Variants in MTX2 observed in about 807,000 individuals in gnomAD.
MTX2 encodes metaxin 2.
MTX2 carries 35 observed loss-of-function variants against 42.3 expected under a neutral mutation model. The ratio of observed to expected loss-of-function variants is 0.83; its 90% CI spans 0.63 to 1.10. The LOEUF (loss-of-function observed/expected upper bound fraction) is 1.10, where lower values mean the gene tolerates loss of function less well. Among genes scored for constraint, MTX2 ranks in the 50% least tolerant of loss-of-function variants. MTX2 has a pLI of 0.00. For missense variants in MTX2, 307 were observed against 304.1 expected (o/e 1.01, Z -0.07); for synonymous variants, 119 against 100.9 (o/e 1.18, Z -1.08).
At chr2:176,297,918 A>G (rs776436488) in intron 3 of MTX2, 23 bp downstream of exon 3, 28 of 1,524,868 alleles carry the variant, frequency 1.8e-5, no homozygotes, top group Non-Finnish European at 2.4e-5. Context: ...ATAATGTAAT[A>G]TCTTTTTCAC....
intron 1 of MTX2, among the ~76,000 whole-genome samples, chr2:176,282,126 GTTTTTTTTTTT>G (rs71004264): frequency 0.038 from 1,009 of 26,426 alleles, 30 homozygotes; most frequent in Middle Eastern, 0.16. Flanking sequence ...AGTTACAGTA[GTTTTTTTTTTT>G]TTTTTTTTTT....
In MTX2 at chr2:176,337,810, ATTG is replaced by A. The variant is rs151066137; in HGVS notation, c.*149_*151del. On this transcript the variant is annotated 3_prime_UTR_variant, in exon 10 of 10. Transcript: ENST00000249442. Reference sequence around the variant, plus strand: ...AATGTATCTTATGTATGTGCTTTATATTGTTATTTGTGTATACATTAAAATAAT... The same window carrying A: ...AATGTATCTTATGTATGTGCTTTATATTATTTGTGTATACATTAAAATAAT... 8.6e-3 allele frequency: 5,401 copies of A among 631,254 alleles called. 210 individuals carry two copies. The African/African-American group carries it at 0.09, about 10-fold the overall frequency. 39.1% of individuals were successfully genotyped at this position (631,254 alleles called of 1,614,324 possible). A position where few individuals can be genotyped will look rare whatever the true frequency, so the allele number is the denominator to read the frequency against.
rs1489487647 is a variant in MTX2 at position 176,329,425 on chromosome 2, A to G, written c.542A>G (p.Gln181Arg). 5 of 1,603,578 alleles carry G rather than the reference A, an allele frequency of 3.1e-6. No homozygotes were observed. In the South Asian group the frequency reaches 5.6e-5, roughly 18 times the overall value. The change falls in exon 8 of 10, where the codon CAG becomes CGG. Residue 181 changes from glutamine (Q) to arginine (R), a missense_variant and splice_region_variant. By Grantham distance (43) the Gln-to-Arg change is conservative. Coordinates refer to ENST00000249442, the MANE Select transcript of MTX2 (RefSeq NM_006554.5). ...GGATGGGGAAAGAAGACTCTGGACCAGGTCAGTTCAGGTTGAAGTTGACAA... is the reference window on the plus strand; with the variant it reads ...GGATGGGGAAAGAAGACTCTGGACCGGGTCAGTTCAGGTTGAAGTTGACAA... ...AIGWGKKTLD[Q>R]VLEDVDQCCQ...
intron 7 of MTX2, 64 bp from the exon 8 acceptor site, chr2:176,329,237 A>G (rs1433936961): frequency 1.3e-6 from 2 of 1,501,722 alleles, no homozygotes; most frequent in Non-Finnish European, 1.8e-6. Context: ...TTAGAATTCT[A>G]TTTGTAAAAA....
chr2:176,334,093 T>G (rs1289298709), intron 9 of MTX2, among the ~76,000 whole-genome samples: 1 of 151,762 alleles, frequency 6.6e-6, no homozygotes, highest in East Asian at 1.9e-4. Context: ...TCAGTTTTTA[T>G]ATGCTCATGC....
chr2:176,321,280 C>T (rs569115903), intron 3 of MTX2, among the ~76,000 whole-genome samples: 2 of 152,100 alleles, frequency 1.3e-5, no homozygotes, highest in Admixed American at 6.6e-5. Flanking sequence ...CTTTGTGGGT[C>T]AGTCAGGAAG....
chr2:176,312,143 C>G (rs898799486), intron 3 of MTX2, among the ~76,000 whole-genome samples: 1 of 152,178 alleles, frequency 6.6e-6, no homozygotes, highest in African/African-American at 2.4e-5. Context: ...TAAAATATCT[C>G]TGAACTTAAC....
At chr2:176,324,194 T>G (rs1198339568) in intron 4 of MTX2, among the ~76,000 whole-genome samples, 5 of 151,618 alleles carry the variant, frequency 3.3e-5, no homozygotes, top group African/African-American at 1.2e-4. Context: ...TTATTAAGTA[T>G]AACTGATTGG....
intron 3 of MTX2, among the ~76,000 whole-genome samples, chr2:176,305,380 T>A (rs1017097584): frequency 6.6e-6 from 1 of 152,224 alleles, no homozygotes; most frequent in South Asian, 2.1e-4. Flanking sequence ...TTTCGTTTTC[T>A]CCCCAACTGT....
intron 1 of MTX2, among the ~76,000 whole-genome samples, chr2:176,278,348 G>A (rs1310055592): frequency 1.3e-5 from 2 of 152,020 alleles, no homozygotes; most frequent in African/African-American, 2.4e-5. Context: ...ACTGCACCTG[G>A]CCAAAACTAA....
At chr2:176,292,724 C>CTA (rs1176533307) in intron 1 of MTX2, among the ~76,000 whole-genome samples, 1 of 152,146 alleles carries the variant, frequency 6.6e-6, no homozygotes, top group Non-Finnish European at 1.5e-5. Context: ...GAATAACAAA[C>CTA]TAGAGATTTT....
rs751896254 is a variant in MTX2, at chr2:176,270,367, A to G, written c.40+698A>G. 1.3e-5 allele frequency: 18 copies of G among 1,363,314 alleles called. No individual in the cohort carries two copies. In the South Asian group the frequency reaches 1.9e-4, roughly 15 times the overall value. 84.5% of individuals were successfully genotyped at this position (1,363,314 alleles called of 1,614,324 possible). ...ATGGAAAATTTTTAAATCTGCATGT[A>G]CTTTAAAGAAATACTTTTGAGTCGG... On this transcript the variant is annotated intron_variant, in intron 1 of 9. Transcript: ENST00000249442.
intron 9 of MTX2, among the ~76,000 whole-genome samples, chr2:176,332,806 A>G (rs762656775): frequency 3.3e-4 from 50 of 151,466 alleles, no homozygotes; most frequent in Non-Finnish European, 6.7e-4. Flanking sequence ...CAATTAGGAA[A>G]CACTCAGACA....
intron 3 of MTX2, among the ~76,000 whole-genome samples, chr2:176,320,695 CTTTTT>C (rs34174289): frequency 4.5e-5 from 6 of 131,900 alleles, no homozygotes; most frequent in Admixed American, 7.9e-5. Context: ...TTTACTTATT[CTTTTT>C]TTTTTTTTTT....
chr2:176,305,368 T>A (rs1046499056), intron 3 of MTX2, among the ~76,000 whole-genome samples: 1 of 152,112 alleles, frequency 6.6e-6, no homozygotes, highest in African/African-American at 2.4e-5. Context: ...ATATATATAT[T>A]TTTTCGTTTT....
At position 176,287,282 on chromosome 2, in the gene MTX2, T is replaced by C. The variant is rs1453968180; in HGVS notation, c.41-9578T>C. ...TTTATTGAATGAACGATAAAACTGA[T>C]TTGTAGCTGTGGCTAAATTTACTTT... On this transcript the variant is annotated intron_variant, in intron 1 of 9. Coordinates refer to ENST00000249442, the MANE Select transcript of MTX2 (RefSeq NM_006554.5). Among the ~76,000 whole-genome samples the C allele has an allele frequency of 2.6e-5, 4 of 152,176 alleles. No homozygotes were observed. In the South Asian group the frequency reaches 8.3e-4, roughly 32 times the overall value.
At chr2:176,319,310 G>A (rs575576044) in intron 3 of MTX2, among the ~76,000 whole-genome samples, 1 of 152,278 alleles carries the variant, frequency 6.6e-6, no homozygotes, top group African/African-American at 2.4e-5. Flanking sequence ...CAAAGCGGAA[G>A]GTGACAGTGA....
chr2:176,288,347 A>G (rs1693253688), intron 1 of MTX2, among the ~76,000 whole-genome samples: 5 of 151,994 alleles, frequency 3.3e-5, no homozygotes, highest in African/African-American at 1.2e-4. Context: ...GTTATCACTG[A>G]TATCATTAGT....
intron 3 of MTX2, among the ~76,000 whole-genome samples, chr2:176,313,163 T>A (rs1684356250): frequency 6.6e-6 from 1 of 151,936 alleles, no homozygotes; most frequent in Non-Finnish European, 1.5e-5. Context: ...TTGTTACTAC[T>A]ATTAATAATA....
Sources: allele counts gnomAD v4.1 joint callset (sites outside exome capture counted in the v4.1 genomes callset), GRCh38; gene constraint gnomAD v4.1.1; transcripts MANE v1.5; gene names NCBI Gene and HGNC (gene_info 2026-07-23, HGNC 2026-07-21).